Variants in SLC35D1 observed in about 807,000 individuals in gnomAD.
SLC35D1 encodes the protein nucleotide sugar transporter SLC35D1.
SLC35D1 carries 31 observed loss-of-function variants against 46.7 expected under a neutral mutation model. The observed-to-expected ratio is 0.66, with a 90% CI of 0.50 to 0.90. SLC35D1 has a LOEUF of 0.90. Among genes scored for constraint, SLC35D1 ranks in the 40% least tolerant of loss-of-function variants. SLC35D1 has a pLI of 0.00. For synonymous variants in SLC35D1, 195 were observed against 164.6 expected, an observed-to-expected ratio of 1.18 and a Z score of -1.41; for missense variants, 397 against 426.2, an observed-to-expected ratio of 0.93 and a Z score of 0.60.
chr1:67,042,426 A>C, intron 7 of SLC35D1, 98 bp from the exon 8 acceptor site: 1 of 963,510 alleles, frequency 1.0e-6, no homozygotes, highest in Admixed American at 1.7e-5. Context: ...ATACACAAAC[A>C]CACACACCCT....
At chr1:66,985,197 CTG>C in the SLC35D1 span, 1 of 975,748 alleles carries the variant, frequency 1.0e-6, no homozygotes, top group Non-Finnish European at 1.2e-6. Flanking sequence ...TTTGGTAAAT[CTG>C]AATGAACTAA....
At chr1:67,026,222 G>A (rs1251497150) in intron 8 of SLC35D1, among the ~76,000 whole-genome samples, 1 of 152,144 alleles carries the variant, frequency 6.6e-6, no homozygotes, top group Admixed American at 6.6e-5. Flanking sequence ...TTACACTCAT[G>A]AGTGGGTGTC....
chr1:67,024,145 C>A (rs919597633), intron 8 of SLC35D1, among the ~76,000 whole-genome samples: 2 of 151,838 alleles, frequency 1.3e-5, no homozygotes, highest in Non-Finnish European at 2.9e-5. Context: ...GGGGTTTCGC[C>A]ATGTTGGCCA....
chr1:66,992,401 A>T, the SLC35D1 span, among the ~76,000 whole-genome samples: 5 of 152,348 alleles, frequency 3.3e-5, no homozygotes, highest in Non-Finnish European at 5.9e-5. Context: ...TCTGCAGAGC[A>T]ACCGGAAGCC....
At chr1:66,999,112 C>CA (rs1209009931), downstream of SLC35D1, among the ~76,000 whole-genome samples, 2 of 152,148 alleles carry the variant, frequency 1.3e-5, no homozygotes, top group African/African-American at 4.8e-5. Flanking sequence ...TAAAGCTACT[C>CA]AGGAGCTTGG....
rs1006572819 is a variant in SLC35D1 at position 67,053,982 on chromosome 1, C to T, written c.32G>A (p.Arg11Gln). The change falls in exon 1 of 12, where the codon CGG becomes CAG. Residue 11 changes from arginine to glutamine, a missense_variant. Coordinates refer to ENST00000235345, the MANE Select transcript of SLC35D1 (RefSeq NM_015139.3). MAEVHRRQHA[R>Q]VKGEAPAKSS... is the part of the protein sequence containing the mutation. Reference sequence around the variant, plus strand: ...TTTCGCGGGGGCTTCTCCTTTAACCCGAGCATGCTGACGTCTATGAACTTC... The same window carrying T: ...TTTCGCGGGGGCTTCTCCTTTAACCTGAGCATGCTGACGTCTATGAACTTC... The T allele has an allele frequency of 1.2e-6, 2 of 1,612,998 alleles. No homozygotes were observed. Among genetic ancestry groups the T allele is most frequent in the African/African-American group, 1.3e-5 (1 of 74,896 alleles).
chr1:67,025,273 C>T (rs1157324249), intron 8 of SLC35D1, among the ~76,000 whole-genome samples: 3 of 152,182 alleles, frequency 2.0e-5, no homozygotes, highest in African/African-American at 7.2e-5. Flanking sequence ...CACAAGGTCA[C>T]AGTCAAGGTT....
intron 10 of SLC35D1, among the ~76,000 whole-genome samples, chr1:67,012,095 T>C (rs1022105550): frequency 5.3e-5 from 8 of 152,154 alleles, no homozygotes; most frequent in Non-Finnish European, 8.8e-5. Context: ...AGTCTAAAAA[T>C]GGCTAGAAAC....
chr1:67,050,307 G>A (rs898756602), intron 5 of SLC35D1, 126 bp downstream of exon 5: 4 of 704,096 alleles, frequency 5.7e-6, no homozygotes, highest in Non-Finnish European at 9.9e-6. Flanking sequence ...CAGCAGCCAA[G>A]AGAGAGGGTT....
At chr1:66,976,062 A>C in the SLC35D1 span, among the ~76,000 whole-genome samples, 4 of 151,906 alleles carry the variant, frequency 2.6e-5, no homozygotes, top group Non-Finnish European at 5.9e-5. Context: ...ATCTCAGCTT[A>C]ATGCAGCCTC....
chr1:66,981,534 T>C, the SLC35D1 span, among the ~76,000 whole-genome samples: 326 of 152,314 alleles, frequency 2.1e-3, no homozygotes, highest in Non-Finnish European at 3.7e-3. Flanking sequence ...TTTACAAGCT[T>C]TAAAATTTCC....
downstream of SLC35D1, among the ~76,000 whole-genome samples, chr1:66,997,698 C>T (rs1667257233): frequency 1.7e-5 from 1 of 59,784 alleles, no homozygotes; most frequent in South Asian, 3.3e-4. Flanking sequence ...TATTCAAGAT[C>T]TAAAGACATA....
intron 10 of SLC35D1, among the ~76,000 whole-genome samples, chr1:67,013,081 G>A (rs1040097595): frequency 6.3e-5 from 9 of 142,436 alleles, no homozygotes; most frequent in Admixed American, 2.2e-4. Flanking sequence ...AGAGCTCTGT[G>A]GTTAAAAGTC....
the SLC35D1 span, chr1:66,986,370 A>C: frequency 2.5e-6 from 4 of 1,600,462 alleles, no homozygotes; most frequent in Non-Finnish European, 3.4e-6. Flanking sequence ...AAACTTTTAT[A>C]AAATATTAAT....
chr1:67,042,190 G>T, intron 8 of SLC35D1, 46 bp downstream of exon 8: 1 of 1,458,222 alleles, frequency 6.9e-7, no homozygotes, highest in African/African-American at 1.4e-5. Context: ...AAATAATAAT[G>T]CAGTTCATCA....
At chr1:66,984,462 G>A in the SLC35D1 span, 1 of 771,220 alleles carries the variant, frequency 1.3e-6, no homozygotes, top group East Asian at 2.5e-5. Flanking sequence ...TTTAGACTAT[G>A]TATTTGATAC....
rs1341653124 is a variant in SLC35D1, at chr1:67,002,509, A to AGACCCATAT, written c.*1822_*1830dup. On this transcript the variant is annotated 3_prime_UTR_variant, in exon 12 of 12. Transcript: ENST00000235345. ...TCTCATTGGTAAAATAGGGAGAGTA[A>AGACCCATAT]GACCCATATGACACAAGATACTATC... 6.6e-6 allele frequency: 1 copy of AGACCCATAT among 152,364 alleles called. No individual in the cohort carries two copies. The highest frequency in any genetic ancestry group is 6.5e-5 in the Admixed American group (1 of 15,278). 9.4% of individuals were successfully genotyped at this position (152,364 alleles called of 1,614,324 possible).
At chr1:67,025,722 T>C (rs1221364549) in intron 8 of SLC35D1, among the ~76,000 whole-genome samples, 1 of 152,216 alleles carries the variant, frequency 6.6e-6, no homozygotes, top group Non-Finnish European at 1.5e-5. Context: ...TTAGGTCTTT[T>C]AAAATTTATC....
Position 67,003,157 on chromosome 1 carries a change from A to G in SLC35D1, c.*1183T>C, listed in dbSNP as rs1490134618. 1 of 152,388 alleles carries G rather than the reference A, an allele frequency of 6.6e-6. No homozygotes were observed. Among genetic ancestry groups the G allele is most frequent in the Non-Finnish European group, 1.5e-5 (1 of 68,062 alleles). 9.4% of individuals were successfully genotyped at this position (152,388 alleles called of 1,614,324 possible). On this transcript the variant is annotated 3_prime_UTR_variant, in exon 12 of 12. Coordinates refer to ENST00000235345, the MANE Select transcript of SLC35D1 (RefSeq NM_015139.3). ...CACTGACACTGCCAGAGAAAAACCA[A>G]CCATTGACAATACAAAGACGTCTAA...
Sources: gnomAD v4.1 joint callset for allele counts (sites outside exome capture counted in the v4.1 genomes callset) on GRCh38, gnomAD v4.1.1 for gene constraint, MANE v1.5 for transcripts, NCBI Gene and HGNC (gene_info 2026-07-23, HGNC 2026-07-21) for gene names.